The following ABCG2 variants were observed in gnomAD, a reference collection of about 807,000 sequenced individuals.
The protein encoded by ABCG2 is ATP binding cassette subfamily G member 2 (JR blood group).
ABCG2 carries 80 observed loss-of-function variants against 73.5 expected under a neutral mutation model. That is an observed-to-expected ratio of 1.09 (90% CI 0.91 to 1.31). The LOEUF (loss-of-function observed/expected upper bound fraction) is 1.31. Among genes scored for constraint, ABCG2 ranks in the 50% most tolerant of loss-of-function variants. The pLI is 0.00. For missense variants in ABCG2, 796 were observed against 786.2 expected (o/e 1.01, Z -0.15); for synonymous variants, 269 against 282.4 (o/e 0.95, Z 0.48).
rs538253807 is a variant in ABCG2 at position 88,176,741 on chromosome 4, G to GC, written c.-19-36728dup. Among the ~76,000 whole-genome samples the GC allele has an allele frequency of 5.6e-4, 81 of 143,364 alleles. No individual in the cohort carries two copies. The Middle Eastern group carries it at 0.012, about 21-fold the overall frequency. 94.1% of individuals were successfully genotyped at this position (143,364 alleles called of 152,430 possible). On this transcript the variant is annotated intron_variant, in intron 1 of 15. Transcript: ENST00000515655. ...GCTCCTGGACTCAAGCAGTCCTCTCGCCTTGGCCTCCTACTTCTGGGATTA... is the reference window on the plus strand; with the variant it reads ...GCTCCTGGACTCAAGCAGTCCTCTCGCCCTTGGCCTCCTACTTCTGGGATTA...
At position 88,101,264 on chromosome 4, in the gene ABCG2, C is replaced by T. The variant is rs765641486; in HGVS notation, c.1333G>A (p.Val445Met). The T allele has an allele frequency of 6.2e-6, 10 of 1,614,100 alleles. No homozygotes were observed. The highest frequency in any genetic ancestry group is 2.2e-5 in the East Asian group (1 of 44,884). ...TNQCFSSVSA[V>M]ELFVVEKKLF... The stretch of plus-strand genomic sequence containing the variant: ...TTCTTCTCTACCACAAAGAGTTCCA[C>T]GGCTGAAACACTGCTGAAACACTGG... Residue 445 changes from valine to methionine, a missense_variant, in exon 11 of 16, where the codon GTG becomes ATG. By Grantham distance (21) the Val-to-Met change is conservative. Transcript: ENST00000237612.
chr4:88,225,731 C>T (rs553313704), intron 1 of ABCG2, among the ~76,000 whole-genome samples: 4 of 152,200 alleles, frequency 2.6e-5, no homozygotes, highest in East Asian at 1.9e-4. Context: ...TGTATTAGTC[C>T]ATTCCCACAC....
At chr4:88,220,351 G>T (rs1729970008) in intron 1 of ABCG2, among the ~76,000 whole-genome samples, 1 of 152,086 alleles carries the variant, frequency 6.6e-6, no homozygotes. Context: ...GGGATTGTAT[G>T]GTAATTCTAT....
chr4:88,221,367 G>A (rs1730006890), intron 1 of ABCG2, among the ~76,000 whole-genome samples: 1 of 152,204 alleles, frequency 6.6e-6, no homozygotes, highest in Non-Finnish European at 1.5e-5. Context: ...GTACCGCAGA[G>A]AGTGGGTTGC....
intron 1 of ABCG2, among the ~76,000 whole-genome samples, chr4:88,154,028 G>A (rs1014514279): frequency 1.3e-5 from 2 of 152,228 alleles, no homozygotes; most frequent in African/African-American, 4.8e-5. Context: ...ATGGGCCTGT[G>A]AGGCTGGAAG....
At chr4:88,203,877 TA>T (rs1028618371) in intron 1 of ABCG2, among the ~76,000 whole-genome samples, 141 of 120,736 alleles carry the variant, frequency 1.2e-3, no homozygotes, top group Non-Finnish European at 2.2e-3. Context: ...AGTGGCACAA[TA>T]TTTTTTTTTT....
intron 2 of ABCG2, 120 bp downstream of exon 2, chr4:88,139,673 A>T: frequency 1.3e-6 from 1 of 768,970 alleles, no homozygotes; most frequent in Non-Finnish European, 2.1e-6. Flanking sequence ...ATGTGTCTGT[A>T]TATCTGTGCA....
intron 1 of ABCG2, among the ~76,000 whole-genome samples, chr4:88,174,548 C>T (rs1253039897): frequency 6.6e-6 from 1 of 152,110 alleles, no homozygotes; most frequent in African/African-American, 2.4e-5. Context: ...GCCACCACGC[C>T]CAGGTAATTT....
chr4:88,134,510 T>C (rs547852712), intron 2 of ABCG2, among the ~76,000 whole-genome samples: 23 of 152,350 alleles, frequency 1.5e-4, no homozygotes, highest in African/African-American at 5.5e-4. Flanking sequence ...GGGCAAATTT[T>C]CAAGGTGCAT....
At chr4:88,154,661 T>C (rs1201840017) in intron 1 of ABCG2, among the ~76,000 whole-genome samples, 1 of 151,806 alleles carries the variant, frequency 6.6e-6, no homozygotes, top group Non-Finnish European at 1.5e-5. Context: ...ATCAGAGAGA[T>C]AGTCATGGGG....
intron 1 of ABCG2, among the ~76,000 whole-genome samples, chr4:88,199,885 C>T: frequency 6.6e-6 from 1 of 152,062 alleles, no homozygotes. Flanking sequence ...CCTGTGGTCC[C>T]AACTACTCCG....
intron 1 of ABCG2, among the ~76,000 whole-genome samples, chr4:88,223,190 T>C (rs569520474): frequency 6.6e-6 from 1 of 152,306 alleles, no homozygotes; most frequent in South Asian, 2.1e-4. Flanking sequence ...GGACTTGGAC[T>C]TTTGGGTTAA....
At position 88,092,370 on chromosome 4, in the gene ABCG2, T is replaced by G; in HGVS notation, c.1832A>C (p.Glu611Ala). The G allele has an allele frequency of 1.9e-6, 3 of 1,605,608 alleles. No homozygotes were observed. The highest frequency in any genetic ancestry group is 2.5e-6 in the Non-Finnish European group (3 of 1,178,162). Residue 611 changes from glutamate to alanine, a missense_variant, in exon 16 of 16, where the codon GAA becomes GCA. Physicochemically the swap from Glu to Ala is moderately radical, Grantham distance 107 (BLOSUM62 -1). Coordinates refer to ENST00000237612, the MANE Select transcript of ABCG2 (RefSeq NM_004827.3). The stretch of plus-strand genomic sequence containing the variant: ...GATGCCCTGCTTTACCAAATATTCT[T>G]CGCCAGTACATCTGAAATTAAACAG... Reference protein sequence around the residue: ...NPCNYATCTGEEYLVKQGIDL... With the variant: ...NPCNYATCTGAEYLVKQGIDL...
chr4:88,098,277 A>G (rs572937293), intron 12 of ABCG2, among the ~76,000 whole-genome samples: 1 of 152,212 alleles, frequency 6.6e-6, no homozygotes, highest in East Asian at 1.9e-4. Context: ...GAAGGTTTAA[A>G]CTCAATCGGT....
chr4:88,144,601 C>T (rs879528433), intron 1 of ABCG2, among the ~76,000 whole-genome samples: 14 of 151,460 alleles, frequency 9.2e-5, no homozygotes, highest in Non-Finnish European at 1.5e-4. Context: ...GATTACAGGC[C>T]GATGCCACAA....
rs745321414 is a variant in ABCG2, at chr4:88,230,308, TTTTTTTTTTTGGCCAC to T, written c.-20+670_-20+685del. On this transcript the variant is annotated intron_variant, in intron 1 of 15. Transcript: ENST00000515655. ...CGCACCTGTTATATATATATATATA[TTTTTTTTTTTGGCCAC>T]ATATATATATATATATATATATTTT... Among the ~76,000 whole-genome samples, 170 of 94,804 alleles carry T rather than the reference TTTTTTTTTTTGGCCAC, an allele frequency of 1.8e-3. 1 individual carries two copies. Among genetic ancestry groups the T allele is most frequent in the South Asian group, 2.3e-3 (7 of 3,094 alleles). The allele number at this position is 94,804 out of a possible 152,430, so 62.2% of individuals were successfully genotyped here.
intron 13 of ABCG2, 60 bp from the exon 14 acceptor site, chr4:88,095,669 A>G: frequency 1.5e-6 from 2 of 1,349,670 alleles, no homozygotes; most frequent in East Asian, 2.3e-5. Flanking sequence ...AGAATTCTAG[A>G]GAATACCCTC....
chr4:88,188,536 A>G (rs1298456627), intron 1 of ABCG2, among the ~76,000 whole-genome samples: 1 of 152,212 alleles, frequency 6.6e-6, no homozygotes, highest in Non-Finnish European at 1.5e-5. Flanking sequence ...AAGATTTAAA[A>G]TCAGGAAGTG....
At chr4:88,174,551 G>A (rs1727879841) in intron 1 of ABCG2, among the ~76,000 whole-genome samples, 1 of 152,094 alleles carries the variant, frequency 6.6e-6, no homozygotes. Flanking sequence ...ACCACGCCCA[G>A]GTAATTTTGT....
Sources: allele counts gnomAD v4.1 joint callset (sites outside exome capture counted in the v4.1 genomes callset), GRCh38; gene constraint gnomAD v4.1.1; transcripts MANE v1.5; gene names NCBI Gene and HGNC (gene_info 2026-07-23, HGNC 2026-07-21).